The following RNGTT variants were observed in gnomAD, a reference collection of about 807,000 sequenced individuals.
RNGTT encodes the protein RNA guanylyltransferase and 5'-phosphatase, also known as mRNA-capping enzyme.
RNGTT carries 33 observed loss-of-function variants against 79.3 expected under a neutral mutation model. That is an observed-to-expected ratio of 0.42 (90% CI 0.32 to 0.56). RNGTT has a LOEUF of 0.56. Among genes scored for constraint, RNGTT ranks in the 20% least tolerant of loss-of-function variants. The pLI, the probability that RNGTT is intolerant of heterozygous loss-of-function variation, is 0.17. For synonymous variants in RNGTT, 222 were observed against 235.9 expected, an observed-to-expected ratio of 0.94 and a Z score of 0.54; for missense variants, 497 against 739.1, an observed-to-expected ratio of 0.67 and a Z score of 3.80.
At chr6:88,819,446 CA>C (rs1307593291) in intron 11 of RNGTT, among the ~76,000 whole-genome samples, 2 of 152,126 alleles carry the variant, frequency 1.3e-5, no homozygotes, top group Non-Finnish European at 2.9e-5. Flanking sequence ...ACATGTGCCA[CA>C]AAACAACCAT....
chr6:88,813,362 C>A (rs1355554188), intron 11 of RNGTT, among the ~76,000 whole-genome samples: 1 of 152,170 alleles, frequency 6.6e-6, no homozygotes, highest in Admixed American at 6.5e-5. Context: ...CTCCTTCCAC[C>A]AATAACCTAC....
At chr6:88,655,018 A>G (rs954942736) in intron 14 of RNGTT, among the ~76,000 whole-genome samples, 20 of 152,218 alleles carry the variant, frequency 1.3e-4, no homozygotes, top group Admixed American at 7.9e-4. Context: ...GAACTAGAAC[A>G]TTCAGTTATT....
intron 12 of RNGTT, among the ~76,000 whole-genome samples, chr6:88,774,451 C>G (rs1222361630): frequency 2.0e-5 from 3 of 152,044 alleles, no homozygotes; most frequent in Non-Finnish European, 4.4e-5. Context: ...TACCACATGA[C>G]CCGGAAGGTC....
At chr6:88,898,659 CTGTGTG>C (rs956341739) in intron 6 of RNGTT, among the ~76,000 whole-genome samples, 1 of 147,068 alleles carries the variant, frequency 6.8e-6, no homozygotes, top group African/African-American at 2.5e-5. Flanking sequence ...AGTATATATA[CTGTGTG>C]TGTGTGTGTA....
chr6:88,618,954 G>C (rs1484783148), intron 14 of RNGTT, among the ~76,000 whole-genome samples: 1 of 152,078 alleles, frequency 6.6e-6, no homozygotes, highest in Non-Finnish European at 1.5e-5. Flanking sequence ...AGAAAGATTT[G>C]TCCCTTCTCC....
intron 8 of RNGTT, among the ~76,000 whole-genome samples, chr6:88,865,336 A>T (rs1782133360): frequency 6.6e-6 from 1 of 152,090 alleles, no homozygotes; most frequent in East Asian, 1.9e-4. Context: ...GAAGAGTTAG[A>T]GTTGGGGTTA....
intron 14 of RNGTT, among the ~76,000 whole-genome samples, chr6:88,653,230 A>C (rs1773859679): frequency 6.6e-6 from 1 of 152,190 alleles, no homozygotes; most frequent in Admixed American, 6.5e-5. Context: ...TAAGTAGGTA[A>C]AGTATTGCAT....
chr6:88,935,711 C>G (rs1010335952), intron 2 of RNGTT, among the ~76,000 whole-genome samples: 1 of 152,022 alleles, frequency 6.6e-6, no homozygotes, highest in African/African-American at 2.4e-5. Flanking sequence ...GCATGGAGGT[C>G]TTTCTATTTG....
chr6:88,932,921 C>T (rs568923543), intron 2 of RNGTT, among the ~76,000 whole-genome samples: 2 of 152,250 alleles, frequency 1.3e-5, no homozygotes, highest in Admixed American at 6.5e-5. Context: ...AAAAAGAAGA[C>T]AATTTATACC....
intron 13 of RNGTT, among the ~76,000 whole-genome samples, chr6:88,758,951 C>T (rs1245064128): frequency 2.0e-5 from 3 of 152,088 alleles, no homozygotes. Context: ...CATATGTATA[C>T]ATGTGCCATG....
rs534924872 is a variant in RNGTT, at chr6:88,959,243, T to C, written c.64+4103A>G. ...AGAGGGGGGATGAGGGATAAAAGACTACTACAGTGTACACTCCTTGAGTGA... is the reference window on the plus strand; with the variant it reads ...AGAGGGGGGATGAGGGATAAAAGACCACTACAGTGTACACTCCTTGAGTGA... On this transcript the variant is annotated intron_variant, in intron 1 of 15. Coordinates refer to ENST00000369485, the MANE Select transcript of RNGTT (RefSeq NM_003800.5). Among the ~76,000 whole-genome samples, 18 of 152,182 alleles carry C rather than the reference T, an allele frequency of 1.2e-4. 1 individual carries two copies. The South Asian group carries it at 3.3e-3, about 28-fold the overall frequency.
chr6:88,762,901 C>T (rs1426440215), intron 13 of RNGTT, among the ~76,000 whole-genome samples: 3 of 151,842 alleles, frequency 2.0e-5, no homozygotes, highest in South Asian at 2.1e-4. Flanking sequence ...GGATCCACTA[C>T]AGTCGTCTAA....
intron 8 of RNGTT, among the ~76,000 whole-genome samples, chr6:88,867,042 C>A (rs1272340738): frequency 6.6e-6 from 1 of 152,192 alleles, no homozygotes; most frequent in African/African-American, 2.4e-5. Flanking sequence ...GTCAAAAATG[C>A]AGAATCTTGG....
chr6:88,758,755 C>T (rs1778104755), intron 13 of RNGTT, among the ~76,000 whole-genome samples: 1 of 152,180 alleles, frequency 6.6e-6, no homozygotes, highest in Admixed American at 6.5e-5. Context: ...TTATTTTGCC[C>T]TTGCAAGTTA....
intron 13 of RNGTT, among the ~76,000 whole-genome samples, chr6:88,696,447 C>G (rs920727411): frequency 6.6e-6 from 1 of 152,106 alleles, no homozygotes. Context: ...AATGATCCTA[C>G]AAACTATTCT....
intron 10 of RNGTT, among the ~76,000 whole-genome samples, chr6:88,848,128 T>C (rs1032265672): frequency 2.0e-5 from 3 of 151,742 alleles, no homozygotes; most frequent in Non-Finnish European, 2.9e-5. Context: ...ACCTTGTTAG[T>C]AATCAAGGAA....
At chr6:88,940,236 G>A (rs1467592216) in intron 2 of RNGTT, among the ~76,000 whole-genome samples, 1 of 151,910 alleles carries the variant, frequency 6.6e-6, no homozygotes, top group Non-Finnish European at 1.5e-5. Context: ...ACACCACAAT[G>A]CCTGGCTAAT....
At chr6:88,857,480 T>C (rs1781879174) in intron 8 of RNGTT, among the ~76,000 whole-genome samples, 9 of 152,138 alleles carry the variant, frequency 5.9e-5, no homozygotes, top group Admixed American at 5.9e-4. Context: ...CACTCAATAT[T>C]TGTTAAGCAA....
chr6:88,912,146 T>C (rs186194010), intron 4 of RNGTT, among the ~76,000 whole-genome samples: 1 of 151,390 alleles, frequency 6.6e-6, no homozygotes, highest in African/African-American at 2.4e-5. Context: ...CTCATACCTG[T>C]AATCCCAGCA....
Sources: gnomAD v4.1 joint callset for allele counts (sites outside exome capture counted in the v4.1 genomes callset) on GRCh38, gnomAD v4.1.1 for gene constraint, MANE v1.5 for transcripts, NCBI Gene and HGNC (gene_info 2026-07-23, HGNC 2026-07-21) for gene names.